Variants in SLIT3 observed in about 807,000 individuals in gnomAD.
SLIT3 encodes the protein slit homolog 3 protein.
A neutral mutation model predicts 184.0 loss-of-function variants in SLIT3; 68 were observed. The observed-to-expected ratio is 0.37, with a 90% CI of 0.30 to 0.45. The LOEUF is 0.45. Among genes scored for constraint, SLIT3 ranks in the 20% least tolerant of loss-of-function variants. SLIT3 has a pLI of 1.00. For missense variants in SLIT3, 1,707 were observed against 2,026.0 expected, an observed-to-expected ratio of 0.84 and a Z score of 3.02; for synonymous variants, 831 against 828.6, an observed-to-expected ratio of 1.00 and a Z score of -0.05.
In SLIT3 at chr5:169,192,423, C is replaced by CTGTGTGTGTGTG. The variant is rs3038088; in HGVS notation, c.413+1044_413+1055dup. Among the ~76,000 whole-genome samples, 615 of 148,274 alleles carry CTGTGTGTGTGTG rather than the reference C, an allele frequency of 4.1e-3. 5 individuals are homozygous for CTGTGTGTGTGTG. The highest frequency in any genetic ancestry group is 0.026 in the Admixed American group (394 of 14,956). Reference sequence around the variant, plus strand: ...TAAAATAAATTTATGTATATAGTCTCTGTGTGTGTGTGTGTGTGTGTGTGT... The same window carrying CTGTGTGTGTGTG: ...TAAAATAAATTTATGTATATAGTCTCTGTGTGTGTGTGTGTGTGTGTGTGTGTGTGTGTGTGT... On this transcript the variant is annotated intron_variant, in intron 4 of 35. Transcript: ENST00000519560.
chr5:168,692,458 A>T, intron 29 of SLIT3, 149 bp downstream of exon 29: 1 of 586,482 alleles, frequency 1.7e-6, no homozygotes, highest in Admixed American at 2.9e-5. Flanking sequence ...ACAGACTGAG[A>T]TAATTAGATC....
At chr5:169,210,247 T>C (rs1055467324) in intron 3 of SLIT3, among the ~76,000 whole-genome samples, 5 of 152,124 alleles carry the variant, frequency 3.3e-5, no homozygotes, top group African/African-American at 1.2e-4. Flanking sequence ...GTATGGGGCC[T>C]TGTGGGAAGC....
intron 1 of SLIT3, among the ~76,000 whole-genome samples, chr5:169,283,973 T>A (rs572680055): frequency 1.4e-4 from 21 of 152,194 alleles, no homozygotes; most frequent in Non-Finnish European, 2.8e-4. Flanking sequence ...GAGCTTCAGG[T>A]CCCAGGAACT....
chr5:168,807,074 AC>A (rs1756991451), intron 8 of SLIT3, among the ~76,000 whole-genome samples: 1 of 151,880 alleles, frequency 6.6e-6, no homozygotes, highest in African/African-American at 2.4e-5. Flanking sequence ...AAGTGTTAAT[AC>A]CCCCACCAGC....
intron 4 of SLIT3, among the ~76,000 whole-genome samples, chr5:168,884,097 T>C (rs1760070120): frequency 6.6e-6 from 1 of 151,528 alleles, no homozygotes; most frequent in African/African-American, 2.4e-5. Context: ...AAGAAAGATA[T>C]GGGCTGTTTT....
intron 29 of SLIT3, among the ~76,000 whole-genome samples, chr5:168,687,974 T>C (rs1475379819): frequency 6.6e-6 from 1 of 152,198 alleles, no homozygotes; most frequent in Non-Finnish European, 1.5e-5. Flanking sequence ...TTGCCCCTTC[T>C]AGACAAGGTT....
rs1357249558 is a variant in SLIT3 at position 168,662,216 on chromosome 5, G to C, written c.*4238C>G. 2.0e-5 allele frequency: 3 copies of C among 152,202 alleles called. No homozygotes were observed. The highest frequency in any genetic ancestry group is 6.5e-5 in the Admixed American group (1 of 15,290). 9.4% of individuals were successfully genotyped at this position (152,202 alleles called of 1,614,324 possible). On this transcript the variant is annotated 3_prime_UTR_variant, in exon 36 of 36. Transcript: ENST00000519560. Reference sequence around the variant, plus strand: ...GATCACCGCATTCTTCCATTTGTTCGACCCTCAGTTTTCCTGCCTACCAGT... The same window carrying C: ...GATCACCGCATTCTTCCATTTGTTCCACCCTCAGTTTTCCTGCCTACCAGT...
intron 14 of SLIT3, among the ~76,000 whole-genome samples, chr5:168,769,599 T>C (rs535685372): frequency 1.6e-4 from 24 of 152,258 alleles, no homozygotes; most frequent in African/African-American, 5.1e-4. Flanking sequence ...TCCACTCTGC[T>C]TTGACACCTA....
chr5:168,739,650 C>G (rs1040199158), intron 20 of SLIT3, among the ~76,000 whole-genome samples: 1 of 152,206 alleles, frequency 6.6e-6, no homozygotes, highest in Admixed American at 6.5e-5. Flanking sequence ...GACGGGGTTT[C>G]TCCATTTTGG....
chr5:168,724,345 C>T (rs1420879751), intron 21 of SLIT3, 71 bp downstream of exon 21: 2 of 1,246,834 alleles, frequency 1.6e-6, no homozygotes, highest in African/African-American at 3.0e-5. Context: ...TCTCTCTTAC[C>T]ATCCACTTCA....
chr5:168,815,302 C>T (rs1757303055), intron 8 of SLIT3, among the ~76,000 whole-genome samples: 1 of 152,184 alleles, frequency 6.6e-6, no homozygotes, highest in Non-Finnish European at 1.5e-5. Flanking sequence ...TGGATCCTGA[C>T]TGCTGCTGGG....
At chr5:168,688,307 G>A (rs1761807428) in intron 29 of SLIT3, among the ~76,000 whole-genome samples, 1 of 152,176 alleles carries the variant, frequency 6.6e-6, no homozygotes, top group Non-Finnish European at 1.5e-5. Flanking sequence ...GGCAGAAGGA[G>A]GTGACAAAGG....
At chr5:169,179,238 G>T (rs1283376199) in intron 4 of SLIT3, among the ~76,000 whole-genome samples, 2 of 149,498 alleles carry the variant, frequency 1.3e-5, no homozygotes, top group African/African-American at 2.5e-5. Context: ...GGAAGTTTAG[G>T]TCAATGTTCA....
intron 4 of SLIT3, among the ~76,000 whole-genome samples, chr5:169,097,374 G>C (rs1759828255): frequency 2.0e-5 from 3 of 152,002 alleles, no homozygotes; most frequent in African/African-American, 7.3e-5. Flanking sequence ...TGGGGAGGAG[G>C]AAAAGGGGAG....
chr5:168,902,744 C>G (rs2113032949), intron 4 of SLIT3, among the ~76,000 whole-genome samples: 1 of 152,246 alleles, frequency 6.6e-6, no homozygotes, highest in South Asian at 2.1e-4. Context: ...TTTGAGAATC[C>G]ACTGGTGTAA....
At chr5:169,056,930 C>T (rs933219902) in intron 4 of SLIT3, among the ~76,000 whole-genome samples, 23 of 152,240 alleles carry the variant, frequency 1.5e-4, no homozygotes, top group African/African-American at 5.1e-4. Context: ...GGTCTCTTAA[C>T]CTCTCTGAGC....
At chr5:168,803,924 A>G (rs1756859044) in intron 9 of SLIT3, among the ~76,000 whole-genome samples, 1 of 151,690 alleles carries the variant, frequency 6.6e-6, no homozygotes, top group African/African-American at 2.4e-5. Flanking sequence ...GGGTGGAGAA[A>G]GAGGTGGGCA....
intron 4 of SLIT3, among the ~76,000 whole-genome samples, chr5:168,930,901 G>A (rs1761968308): frequency 6.6e-6 from 1 of 151,828 alleles, no homozygotes; most frequent in South Asian, 2.1e-4. Flanking sequence ...ATAACCTGTG[G>A]GCTTTTGGAC....
intron 4 of SLIT3, among the ~76,000 whole-genome samples, chr5:168,919,861 TAAAA>T (rs893182566): frequency 2.0e-5 from 3 of 152,132 alleles, no homozygotes; most frequent in African/African-American, 7.2e-5. Context: ...TGAGAACACA[TAAAA>T]AAGGGAACTT....
Sources: allele counts gnomAD v4.1 joint callset (sites outside exome capture counted in the v4.1 genomes callset), GRCh38; gene constraint gnomAD v4.1.1; transcripts MANE v1.5; gene names NCBI Gene and HGNC (gene_info 2026-07-23, HGNC 2026-07-21).